Variants in PLCL1 observed in about 807,000 individuals in gnomAD.
The protein encoded by PLCL1 is inactive phospholipase C-like protein 1.
PLCL1 carries 41 observed loss-of-function variants against 84.4 expected under a neutral mutation model. The observed-to-expected ratio is 0.49, with a 90% CI of 0.38 to 0.63. The LOEUF (loss-of-function observed/expected upper bound fraction) is 0.63, where lower values mean the gene tolerates loss of function less well. Ranked by LOEUF, PLCL1 falls within the 30% of genes least tolerant of loss-of-function variation. The pLI is 0.00. For missense variants in PLCL1, 1,206 were observed against 1,367.8 expected (o/e 0.88, Z 1.87); for synonymous variants, 490 against 488.3 (o/e 1.00, Z -0.05).
At chr2:198,070,519 A>G (rs1178762606) in intron 1 of PLCL1, among the ~76,000 whole-genome samples, 2 of 152,082 alleles carry the variant, frequency 1.3e-5, no homozygotes, top group East Asian at 1.9e-4. Context: ...GCTAACTAAT[A>G]TTATTAGTTC....
At chr2:197,923,001 G>C (rs1224018945) in intron 1 of PLCL1, among the ~76,000 whole-genome samples, 2 of 106,602 alleles carry the variant, frequency 1.9e-5, no homozygotes, top group African/African-American at 3.6e-5. Flanking sequence ...CGGGCAGAGG[G>C]GCTCCTCACT....
At chr2:198,070,074 C>T (rs1175233657) in intron 1 of PLCL1, among the ~76,000 whole-genome samples, 2 of 152,054 alleles carry the variant, frequency 1.3e-5, no homozygotes, top group African/African-American at 4.8e-5. Context: ...CCAAGTTCAC[C>T]TGATGGAGAG....
chr2:198,041,676 T>C (rs751603419), intron 1 of PLCL1, among the ~76,000 whole-genome samples: 97 of 152,192 alleles, frequency 6.4e-4, no homozygotes, highest in Non-Finnish European at 3.2e-4. Context: ...AAATACTGAA[T>C]ATGGATAAAT....
At chr2:198,101,726 C>A (rs553225454) in intron 4 of PLCL1, among the ~76,000 whole-genome samples, 58 of 152,146 alleles carry the variant, frequency 3.8e-4, no homozygotes, top group Admixed American at 2.2e-3. Flanking sequence ...ACAATTGGAA[C>A]CAAAATCCTA....
At position 197,813,356 on chromosome 2, in the gene PLCL1, T is replaced by C. The variant is rs145085461; in HGVS notation, c.240+8017T>C. On this transcript the variant is annotated intron_variant, in intron 1 of 5. Transcript: ENST00000428675. Reference sequence around the variant, plus strand: ...ATTGATGGTGACTAATGTTTGGAAGTGGGAGTGGGGATGGAGGTGAGGGAG... The same window carrying C: ...ATTGATGGTGACTAATGTTTGGAAGCGGGAGTGGGGATGGAGGTGAGGGAG... Among the ~76,000 whole-genome samples the C allele has an allele frequency of 2.5e-4, 38 of 152,214 alleles. No homozygotes were observed. In the East Asian group the frequency reaches 5.4e-3, roughly 22 times the overall value.
At chr2:197,868,451 C>T (rs1687587439) in intron 1 of PLCL1, among the ~76,000 whole-genome samples, 1 of 152,164 alleles carries the variant, frequency 6.6e-6, no homozygotes, top group South Asian at 2.1e-4. Flanking sequence ...TCTTTATTCA[C>T]TGGAAAACCC....
chr2:198,003,310 C>T (rs773524558), intron 1 of PLCL1, among the ~76,000 whole-genome samples: 5 of 152,128 alleles, frequency 3.3e-5, no homozygotes, highest in Non-Finnish European at 5.9e-5. Context: ...ATTGGTTGAA[C>T]TAGTGCTAGG....
intron 1 of PLCL1, among the ~76,000 whole-genome samples, chr2:197,931,467 A>G (rs567833711): frequency 2.5e-4 from 38 of 152,134 alleles, no homozygotes; most frequent in Non-Finnish European, 4.4e-4. Flanking sequence ...TCTTCAATTA[A>G]ATTATTCATT....
At chr2:197,955,192 A>C (rs1490587397) in intron 1 of PLCL1, among the ~76,000 whole-genome samples, 1 of 151,958 alleles carries the variant, frequency 6.6e-6, no homozygotes, top group Non-Finnish European at 1.5e-5. Context: ...GTCTTTTCTT[A>C]ATACAGCTTT....
At chr2:197,869,590 G>A (rs1414799091) in intron 1 of PLCL1, among the ~76,000 whole-genome samples, 1 of 152,140 alleles carries the variant, frequency 6.6e-6, no homozygotes, top group East Asian at 1.9e-4. Flanking sequence ...AGCCAGAAAA[G>A]CATCAAGATA....
At chr2:197,886,874 A>G (rs550153846) in intron 1 of PLCL1, among the ~76,000 whole-genome samples, 1 of 152,322 alleles carries the variant, frequency 6.6e-6, no homozygotes, top group South Asian at 2.1e-4. Flanking sequence ...TCTTCCCGAA[A>G]TGCTAGTGAT....
chr2:197,991,285 C>A (rs1690342012), intron 1 of PLCL1, among the ~76,000 whole-genome samples: 1 of 152,160 alleles, frequency 6.6e-6, no homozygotes, highest in Admixed American at 6.5e-5. Context: ...GGTTCTCAGG[C>A]CTTCACACTT....
In PLCL1 at chr2:197,987,977, A is replaced by G. The variant is rs189304038; in HGVS notation, c.241-95781A>G. Among the ~76,000 whole-genome samples, 93 of 152,310 alleles carry G rather than the reference A, an allele frequency of 6.1e-4. 3 individuals carry two copies. In the South Asian group the frequency reaches 0.013, roughly 22 times the overall value. ...ACTGAGACTGAGTTTCAGTTTTAGAAGCAGAAGGTGCCTCATGTTAGATAA... is the reference window on the plus strand; with the variant it reads ...ACTGAGACTGAGTTTCAGTTTTAGAGGCAGAAGGTGCCTCATGTTAGATAA... On this transcript the variant is annotated intron_variant, in intron 1 of 5. Coordinates refer to ENST00000428675, the MANE Select transcript of PLCL1 (RefSeq NM_006226.4).
At chr2:197,832,373 A>T (rs1691085834) in intron 1 of PLCL1, among the ~76,000 whole-genome samples, 1 of 152,222 alleles carries the variant, frequency 6.6e-6, no homozygotes, top group Non-Finnish European at 1.5e-5. Flanking sequence ...AATACTATAA[A>T]CACCTCTACG....
chr2:197,857,815 G>C (rs1053998113), intron 1 of PLCL1, among the ~76,000 whole-genome samples: 2 of 152,088 alleles, frequency 1.3e-5, no homozygotes, highest in African/African-American at 2.4e-5. Context: ...GCATAAAATA[G>C]GTAGGCAAGC....
At chr2:198,017,341 G>T (rs1691022965) in intron 1 of PLCL1, among the ~76,000 whole-genome samples, 1 of 152,188 alleles carries the variant, frequency 6.6e-6, no homozygotes, top group African/African-American at 2.4e-5. Flanking sequence ...GGTTTAAATT[G>T]TAATGTCTGA....
At chr2:198,090,118 A>G (rs1322366066) in intron 3 of PLCL1, among the ~76,000 whole-genome samples, 1 of 152,160 alleles carries the variant, frequency 6.6e-6, no homozygotes, top group Admixed American at 6.5e-5. Flanking sequence ...ATAAACATTT[A>G]TGTTAATAAT....
chr2:198,079,300 A>C (rs2105892201), intron 1 of PLCL1, among the ~76,000 whole-genome samples: 2 of 151,700 alleles, frequency 1.3e-5, no homozygotes, highest in Middle Eastern at 6.8e-3. Context: ...AAAATATTAA[A>C]TATTTAGGAA....
chr2:198,126,395 T>G (rs1214400015), intron 5 of PLCL1, among the ~76,000 whole-genome samples: 1 of 152,180 alleles, frequency 6.6e-6, no homozygotes, highest in Non-Finnish European at 1.5e-5. Flanking sequence ...GCTTAGTGGC[T>G]AATCTTTTCA....
Sources: allele counts gnomAD v4.1 joint callset (sites outside exome capture counted in the v4.1 genomes callset), GRCh38; gene constraint gnomAD v4.1.1; transcripts MANE v1.5; gene names NCBI Gene and HGNC (gene_info 2026-07-23, HGNC 2026-07-21).